COL22A1: variants seen among roughly 807,000 people sequenced by gnomAD.
The protein encoded by COL22A1 is collagen alpha-1(XXII) chain.
In COL22A1, 221 loss-of-function variants were observed where a neutral mutation model predicts 248.9. The ratio of observed to expected loss-of-function variants is 0.89; its 90% CI spans 0.80 to 0.99. The LOEUF is 0.99. Ranked by LOEUF, COL22A1 falls within the 50% of genes least tolerant of loss-of-function variation. The probability of loss-of-function intolerance (pLI) is 0.00; values close to 1 mark genes in which losing one functional copy is unlikely to be tolerated. For synonymous variants in COL22A1, 891 were observed against 793.4 expected (o/e 1.12, Z -2.07); for missense variants, 2,240 against 2,179.0 (o/e 1.03, Z -0.56).
At chr8:138,704,514 C>T (rs1467569398) in intron 30 of COL22A1, among the ~76,000 whole-genome samples, 3 of 151,970 alleles carry the variant, frequency 2.0e-5, no homozygotes, top group South Asian at 2.1e-4. Flanking sequence ...AGGCAAACAG[C>T]GTCTGGAGTG....
chr8:138,805,619 G>GA, intron 10 of COL22A1, among the ~76,000 whole-genome samples: 1 of 147,746 alleles, frequency 6.8e-6, no homozygotes, highest in African/African-American at 2.6e-5. Context: ...GACGGTGTGT[G>GA]AGGGTGTGTG....
Position 138,807,755 on chromosome 8 carries a change from T to C in COL22A1, c.1494+13A>G. The C allele has an allele frequency of 6.2e-7, 1 of 1,613,588 alleles. No homozygotes were observed. Among genetic ancestry groups the C allele is most frequent in the Non-Finnish European group, 8.5e-7 (1 of 1,179,532 alleles). On this transcript the variant is annotated intron_variant, in intron 10 of 64. Transcript: ENST00000303045. ...GAGGTTCTAAACTACACCTCTGCCATGCCTGTACTGACCTTTGGACCAGGG... is the reference window on the plus strand; with the variant it reads ...GAGGTTCTAAACTACACCTCTGCCACGCCTGTACTGACCTTTGGACCAGGG...
At chr8:138,891,480 G>A (rs4736221) in intron 1 of COL22A1, among the ~76,000 whole-genome samples, 30,384 of 152,136 alleles carry the variant, frequency 0.2, 3,186 homozygotes, top group African/African-American at 0.27. Context: ...AACCATTTAC[G>A]TACATTACAT....
At chr8:138,609,616 C>T (rs1818700896) in intron 56 of COL22A1, among the ~76,000 whole-genome samples, 1 of 152,360 alleles carries the variant, frequency 6.6e-6, no homozygotes, top group African/African-American at 2.4e-5. Context: ...CCTCCGCCCA[C>T]CAACCCATCT....
rs180963656 is a variant in COL22A1, at chr8:138,755,159, G to A, written c.2029C>T (p.Arg677Trp). The A allele has an allele frequency of 4.1e-4, 659 of 1,614,050 alleles. 4 individuals are homozygous for A. In the East Asian group the frequency reaches 7.4e-3, roughly 18 times the overall value. Residue 677 changes from arginine (R) to tryptophan (W), a missense_variant and splice_region_variant, in exon 21 of 65, where the codon CGG (arginine) becomes TGG (tryptophan). Transcript: ENST00000303045. ...TGCGCAGGAGAGGGACAACTTACCC[G>A]AGCTCCTGGAGGACCGGGGGCGCCT... ...HQGAPGPPGA[R>W]GPIGPEGRDG...
chr8:138,694,825 C>T lies in COL22A1; in HGVS notation c.2646+1G>A. 2 of 1,613,966 alleles carry T rather than the reference C, an allele frequency of 1.2e-6. 1 individual carries two copies. The highest frequency in any genetic ancestry group is 2.2e-5 in the South Asian group (2 of 91,064). On this transcript the variant is annotated splice_donor_variant, in intron 33 of 64. Coordinates refer to ENST00000303045, the MANE Select transcript of COL22A1 (RefSeq NM_152888.3). LOFTEE classifies it high-confidence loss of function. ...GGGGGAAGGGGACACAAGAGACTCA[C>T]CGGTTCCCCAGGCAGGCCTGGATCG...
At chr8:138,711,198 A>T (rs1828935339) in intron 30 of COL22A1, among the ~76,000 whole-genome samples, 1 of 152,176 alleles carries the variant, frequency 6.6e-6, no homozygotes, top group Non-Finnish European at 1.5e-5. Flanking sequence ...TTTGACTGTC[A>T]GCGCCCCTTG....
intron 50 of COL22A1, among the ~76,000 whole-genome samples, chr8:138,628,629 G>A (rs921167654): frequency 6.6e-6 from 1 of 152,190 alleles, no homozygotes; most frequent in Non-Finnish European, 1.5e-5. Flanking sequence ...GATGGTTATG[G>A]TAAAGTTTCA....
chr8:138,815,444 G>T (rs765504379), intron 7 of COL22A1, among the ~76,000 whole-genome samples: 6 of 152,116 alleles, frequency 3.9e-5, no homozygotes, highest in Non-Finnish European at 8.8e-5. Flanking sequence ...GCAGGACATG[G>T]TTCAAGCTCA....
intron 23 of COL22A1, 74 bp from the exon 24 acceptor site, chr8:138,725,514 GAGGCAA>G: frequency 5.7e-6 from 7 of 1,235,478 alleles, no homozygotes; most frequent in Admixed American, 2.2e-5. Flanking sequence ...GCATTTGAAA[GAGGCAA>G]AGGGAAGGGG....
At chr8:138,727,028 A>ATG (rs1316607888) in intron 23 of COL22A1, among the ~76,000 whole-genome samples, 2 of 152,126 alleles carry the variant, frequency 1.3e-5, no homozygotes, top group African/African-American at 4.8e-5. Context: ...GGGAGAGTGG[A>ATG]TGTGGCGTTC....
chr8:138,783,025 G>A (rs563685426), intron 12 of COL22A1, among the ~76,000 whole-genome samples: 1 of 152,258 alleles, frequency 6.6e-6, no homozygotes, highest in Admixed American at 6.5e-5. Flanking sequence ...CAGTTCTCAG[G>A]CTTGGGACCA....
intron 9 of COL22A1, among the ~76,000 whole-genome samples, chr8:138,810,556 C>G (rs1401312772): frequency 6.6e-6 from 1 of 152,198 alleles, no homozygotes; most frequent in Non-Finnish European, 1.5e-5. Context: ...CTGAAGGGCT[C>G]TTAAGGTCAC....
At chr8:138,760,556 C>A (rs1833391293) in intron 17 of COL22A1, among the ~76,000 whole-genome samples, 1 of 152,280 alleles carries the variant, frequency 6.6e-6, no homozygotes, top group Admixed American at 6.5e-5. Context: ...ACAAAGGACC[C>A]CTTCCTTAGG....
intron 12 of COL22A1, among the ~76,000 whole-genome samples, 165 bp downstream of exon 12, chr8:138,796,654 C>T (rs982893729): frequency 6.6e-6 from 1 of 151,888 alleles, no homozygotes; most frequent in African/African-American, 2.4e-5. Flanking sequence ...CTTCAACCAC[C>T]CAAGCCATGG....
intron 16 of COL22A1, among the ~76,000 whole-genome samples, chr8:138,765,675 G>A (rs1833857568): frequency 6.6e-6 from 1 of 152,256 alleles, no homozygotes; most frequent in African/African-American, 2.4e-5. Flanking sequence ...TAATTGCCCT[G>A]TTGACACTGT....
intron 3 of COL22A1, among the ~76,000 whole-genome samples, chr8:138,865,678 A>T (rs1822818770): frequency 2.7e-5 from 3 of 113,148 alleles, no homozygotes; most frequent in South Asian, 2.8e-4. Context: ...TATGCCTGTG[A>T]GTGTATGTGT....
At chr8:138,663,092 G>C (rs548219220) in intron 42 of COL22A1, among the ~76,000 whole-genome samples, 1 of 151,342 alleles carries the variant, frequency 6.6e-6, no homozygotes, top group South Asian at 2.1e-4. Context: ...TTTAAAATAC[G>C]TTCACATGGC....
intron 46 of COL22A1, among the ~76,000 whole-genome samples, chr8:138,646,941 C>A (rs1350959095): frequency 6.6e-6 from 1 of 152,176 alleles, no homozygotes. Flanking sequence ...ATGGCCCCTG[C>A]CTCCCATATT....
Sources: gnomAD v4.1 joint callset for allele counts (sites outside exome capture counted in the v4.1 genomes callset) on GRCh38, gnomAD v4.1.1 for gene constraint, MANE v1.5 for transcripts, NCBI Gene and HGNC (gene_info 2026-07-23, HGNC 2026-07-21) for gene names.